FBXL14: variants seen among roughly 807,000 people sequenced by gnomAD.
FBXL14 encodes F-box/LRR-repeat protein 14.
FBXL14 carries 11 observed loss-of-function variants against 24.5 expected under a neutral mutation model. That is an observed-to-expected ratio of 0.45 (90% CI 0.28 to 0.74). The LOEUF (loss-of-function observed/expected upper bound fraction) is 0.74, where lower values mean the gene tolerates loss of function less well. Among genes scored for constraint, FBXL14 ranks in the 30% least tolerant of loss-of-function variants. The probability of loss-of-function intolerance (pLI) is 0.12; values close to 1 mark genes in which losing one functional copy is unlikely to be tolerated. For missense variants in FBXL14, 384 were observed against 545.6 expected, an observed-to-expected ratio of 0.70 and a Z score of 2.95; for synonymous variants, 294 against 240.4, an observed-to-expected ratio of 1.22 and a Z score of -2.06.
chr12:1,566,463 A>T lies in FBXL14; in HGVS notation c.*285T>A, dbSNP rs11061858. 2.9e-6 allele frequency: 1 copy of T among 339,012 alleles called. No individual in the cohort carries two copies. Among genetic ancestry groups the T allele is most frequent in the Non-Finnish European group, 5.3e-6 (1 of 188,520 alleles). The allele number at this position is 339,012 out of a possible 1,614,324, so 21.0% of individuals were successfully genotyped here. On this transcript the variant is annotated 3_prime_UTR_variant, in exon 2 of 2. Coordinates refer to ENST00000339235, the MANE Select transcript of FBXL14 (RefSeq NM_152441.3). ...CTGTCGAAGAAGCTTGCAAATTGCA[A>T]TTCCATCCTAGCAAGTAAAAAGCTG...
intron 1 of FBXL14, among the ~76,000 whole-genome samples, chr12:1,577,197 G>A (rs897798255): frequency 6.6e-6 from 1 of 152,230 alleles, no homozygotes; most frequent in African/African-American, 2.4e-5. Context: ...GGCCTGCCCT[G>A]TGTGGACAGA....
intron 1 of FBXL14, among the ~76,000 whole-genome samples, chr12:1,571,501 C>T (rs1484621738): frequency 2.0e-5 from 3 of 152,208 alleles, no homozygotes; most frequent in Non-Finnish European, 2.9e-5. Context: ...AGCCACCGCG[C>T]CCAGCCAGTG....
In FBXL14 at chr12:1,593,925, C is replaced by T. The variant is rs1277218044; in HGVS notation, c.142G>A (p.Val48Met). 6.4e-7 allele frequency: 1 copy of T among 1,574,312 alleles called. No homozygotes were observed. The highest frequency in any genetic ancestry group is 1.8e-5 in the Admixed American group (1 of 55,324). Residue 48 changes from valine (V) to methionine (M), a missense_variant, in exon 1 of 2, where the codon GTG becomes ATG. Coordinates refer to ENST00000339235, the MANE Select transcript of FBXL14 (RefSeq NM_152441.3). The surrounding 1 kb of genome is among the most constrained non-coding windows in gnomAD (Gnocchi z 7.4). ...CGGCGCAGGTGCAGCTTGGCCTCCA[C>T]CCCCCGCCACACCGACTTGTGGTAG... ...AAYHKSVWRG[V>M]EAKLHLRRAN...
rs751188765 is a variant in FBXL14, at chr12:1,593,401, G to A, written c.666C>T (p.His222=). The A allele has an allele frequency of 4.5e-5, 72 of 1,613,942 alleles. No individual in the cohort carries two copies. The highest frequency in any genetic ancestry group is 2.0e-4 in the Admixed American group (12 of 60,014). ...TCAGGCCCGTCAGCCCTCGGGAGAT[G>A]TGCTTTAGAGAAAGATCTGTGAGCT... ...CQKLTDLSLK[H]ISRGLTGLRL... is the part of the protein sequence containing the mutation. Residue 222 remains histidine (H), a synonymous_variant, in exon 1 of 2, where the codon CAC becomes CAT. Transcript: ENST00000339235. This position sits in a 1 kb window ranked among gnomAD's most constrained non-coding sequence, Gnocchi z 7.4.
chr12:1,592,211 T>TTA (rs894220250), intron 1 of FBXL14, among the ~76,000 whole-genome samples: 32 of 146,476 alleles, frequency 2.2e-4, no homozygotes, highest in Middle Eastern at 3.6e-3. Context: ...TATATATAAT[T>TTA]TATATATATA....
rs1180995655 is a variant in FBXL14 at position 1,579,969 on chromosome 12, T to C, written c.1194+12904A>G. ...TGACATCAAAGAAGGTCCTTTGCAATGTACAGGGAAGACAAACCAGCTTCC... is the reference window on the plus strand; with the variant it reads ...TGACATCAAAGAAGGTCCTTTGCAACGTACAGGGAAGACAAACCAGCTTCC... On this transcript the variant is annotated intron_variant, in intron 1 of 1. Transcript: ENST00000339235. The surrounding 1 kb of genome is among the most constrained non-coding windows in gnomAD (Gnocchi z 4.3). Among the ~76,000 whole-genome samples the C allele has an allele frequency of 1.3e-5, 2 of 152,208 alleles. No homozygotes were observed. Among genetic ancestry groups the C allele is most frequent in the African/African-American group, 4.8e-5 (2 of 41,440 alleles).
In FBXL14 at chr12:1,593,801, A is replaced by G; in HGVS notation, c.266T>C (p.Met89Thr). ...GAGGTTGAGGCTCTCGATGTTGGCC[A>G]TGCCCTGGATCACGTAGCTGAGGCT... ...RRSLSYVIQGMANIESLNLSG... is the reference protein window; with the variant it reads ...RRSLSYVIQGTANIESLNLSG... The change falls in exon 1 of 2, where the codon ATG becomes ACG. Residue 89 changes from methionine (M) to threonine (T), a missense_variant. Transcript: ENST00000339235. This position sits in a 1 kb window ranked among gnomAD's most constrained non-coding sequence, Gnocchi z 7.4. The G allele has an allele frequency of 6.2e-7, 1 of 1,614,158 alleles. No individual in the cohort carries two copies.
At position 1,566,532 on chromosome 12, in the gene FBXL14, G is replaced by A. The variant is rs540004280; in HGVS notation, c.*216C>T. The stretch of plus-strand genomic sequence containing the variant: ...GTCTCCTTGGATCCATAAAGGAAGC[G>A]AGGTCTCAGAGCAAACCACTGTCCC... On this transcript the variant is annotated 3_prime_UTR_variant, in exon 2 of 2. Coordinates refer to ENST00000339235, the MANE Select transcript of FBXL14 (RefSeq NM_152441.3). The A allele has an allele frequency of 1.9e-4, 87 of 453,798 alleles. 2 individuals are homozygous for A. Among genetic ancestry groups the A allele is most frequent in the East Asian group, 1.3e-3 (39 of 29,224 alleles). The allele number at this position is 453,798 out of a possible 1,614,324, so 28.1% of individuals were successfully genotyped here.
At chr12:1,574,425 T>C (rs865795607) in intron 1 of FBXL14, among the ~76,000 whole-genome samples, 1 of 20,166 alleles carries the variant, frequency 5.0e-5, no homozygotes, top group Non-Finnish European at 8.6e-5. Flanking sequence ...GTGGTGTGGG[T>C]GGAGCCTGGG....
rs1196673919 is a variant in FBXL14 at position 1,566,008 on chromosome 12, G to A, written c.*740C>T. ...AAAACCCAAATGGAATCTATAAAGG[G>A]AAGACAGATATATTCTACATTGTTC... On this transcript the variant is annotated 3_prime_UTR_variant, in exon 2 of 2. Coordinates refer to ENST00000339235, the MANE Select transcript of FBXL14 (RefSeq NM_152441.3). 2 of 152,576 alleles carry A rather than the reference G, an allele frequency of 1.3e-5. No individual in the cohort carries two copies. Among genetic ancestry groups the A allele is most frequent in the Non-Finnish European group, 2.9e-5 (2 of 68,038 alleles). 9.5% of individuals were successfully genotyped at this position (152,576 alleles called of 1,614,324 possible).
intron 1 of FBXL14, among the ~76,000 whole-genome samples, chr12:1,573,761 T>C (rs571911155): frequency 7.2e-5 from 11 of 152,230 alleles, no homozygotes; most frequent in African/African-American, 2.4e-4. Flanking sequence ...TCCCAACACT[T>C]TGGGAGGCCA....
intron 1 of FBXL14, among the ~76,000 whole-genome samples, chr12:1,578,761 G>T (rs1300049888): frequency 6.6e-6 from 1 of 152,136 alleles, no homozygotes; most frequent in Non-Finnish European, 1.5e-5. Context: ...AGGCATCTGT[G>T]CAGTGATTCA....
intron 1 of FBXL14, among the ~76,000 whole-genome samples, chr12:1,589,362 C>G (rs986076675): frequency 2.2e-5 from 3 of 138,922 alleles, no homozygotes; most frequent in African/African-American, 8.2e-5. Context: ...TGTACCACTG[C>G]ACTCCTGCCT....
At position 1,594,297 on chromosome 12, in the gene FBXL14, C is replaced by A. The variant is rs1203283487; in HGVS notation, c.-231G>T. 2.5e-5 allele frequency: 4 copies of A among 160,364 alleles called. No homozygotes were observed. The highest frequency in any genetic ancestry group is 2.0e-4 in the Admixed American group (3 of 15,188). The allele number at this position is 160,364 out of a possible 1,614,324, so 9.9% of individuals were successfully genotyped here. On this transcript the variant is annotated 5_prime_UTR_variant, in exon 1 of 2. Transcript: ENST00000339235. ...CGGCTGCGCCTCCGGCCCGGCCCTCCCCCGCCCCGGGCTCCGCACGGCGCT... is the reference window on the plus strand; with the variant it reads ...CGGCTGCGCCTCCGGCCCGGCCCTCACCCGCCCCGGGCTCCGCACGGCGCT...
At chr12:1,589,777 A>G (rs1465238653) in intron 1 of FBXL14, among the ~76,000 whole-genome samples, 1 of 152,218 alleles carries the variant, frequency 6.6e-6, no homozygotes, top group East Asian at 1.9e-4. Flanking sequence ...CCGGCTATAT[A>G]CTAAGTATGC....
At position 1,593,669 on chromosome 12, in the gene FBXL14, C is replaced by G. The variant is rs1565592483; in HGVS notation, c.398G>C (p.Ser133Thr). ...NLSLCKQITD[S>T]SLGRIAQYLK... ...GTACTGGGCTATGCGGCCCAGGCTG[C>G]TGTCAGTGATCTGCTTGCAGAGGCT... The change falls in exon 1 of 2, where the codon AGC becomes ACC. Residue 133 changes from serine to threonine, a missense_variant. By Grantham distance (58) the Ser-to-Thr change is moderately conservative (BLOSUM62 1). Coordinates refer to ENST00000339235, the MANE Select transcript of FBXL14 (RefSeq NM_152441.3). This position sits in a 1 kb window ranked among gnomAD's most constrained non-coding sequence, Gnocchi z 7.4. The G allele has an allele frequency of 6.2e-7, 1 of 1,614,174 alleles. No individual in the cohort carries two copies. The highest frequency in any genetic ancestry group is 1.3e-5 in the African/African-American group (1 of 75,066).
intron 1 of FBXL14, among the ~76,000 whole-genome samples, chr12:1,583,377 T>C (rs1199851761): frequency 1.3e-5 from 2 of 148,456 alleles, no homozygotes; most frequent in East Asian, 3.9e-4. Flanking sequence ...ATTAGAAGTT[T>C]AAAGAGAAAA....
chr12:1,574,106 G>A (rs1169663136), intron 1 of FBXL14, among the ~76,000 whole-genome samples: 4 of 152,170 alleles, frequency 2.6e-5, no homozygotes, highest in African/African-American at 9.7e-5. Context: ...TGTAGCTTGG[G>A]GTGTAATTGG....
At chr12:1,594,826 G>C (rs1265038388), upstream of FBXL14, among the ~76,000 whole-genome samples, 1 of 151,588 alleles carries the variant, frequency 6.6e-6, no homozygotes, top group Non-Finnish European at 1.5e-5. Context: ...GCCCTGCAGC[G>C]CGTCCCCTCC....
Sources: allele counts gnomAD v4.1 joint callset (sites outside exome capture counted in the v4.1 genomes callset), GRCh38; gene constraint gnomAD v4.1.1; non-coding constraint Gnocchi (gnomAD v3.1); transcripts MANE v1.5; gene names NCBI Gene and HGNC (gene_info 2026-07-23, HGNC 2026-07-21).